The following DLGAP2 variants were observed in gnomAD, a reference collection of about 807,000 sequenced individuals.
The protein encoded by DLGAP2 is disks large-associated protein 2.
DLGAP2 carries 26 observed loss-of-function variants against 100.3 expected under a neutral mutation model. That is an observed-to-expected ratio of 0.26 (90% CI 0.19 to 0.36). The LOEUF (loss-of-function observed/expected upper bound fraction) is 0.36, where lower values mean the gene tolerates loss of function less well. Ranked by LOEUF, DLGAP2 falls within the 10% of genes least tolerant of loss-of-function variation. The pLI, the probability that DLGAP2 is intolerant of heterozygous loss-of-function variation, is 1.00. For missense variants in DLGAP2, 1,858 were observed against 1,453.2 expected, an observed-to-expected ratio of 1.28 and a Z score of -4.53; for synonymous variants, 886 against 630.1, an observed-to-expected ratio of 1.41 and a Z score of -6.08.
chr8:1,321,586 C>T (rs1399794159), intron 3 of DLGAP2, among the ~76,000 whole-genome samples: 1 of 152,228 alleles, frequency 6.6e-6, no homozygotes, highest in Admixed American at 6.5e-5. Context: ...CACAGGAATT[C>T]AGCGGATAAT....
chr8:1,492,127 C>T (rs1207933162), intron 3 of DLGAP2, among the ~76,000 whole-genome samples: 2 of 152,186 alleles, frequency 1.3e-5, no homozygotes, highest in Non-Finnish European at 2.9e-5. Context: ...ATTCTGCAGA[C>T]TTTAGGGGCA....
intron 2 of DLGAP2, among the ~76,000 whole-genome samples, chr8:1,185,961 G>C (rs1705871526): frequency 6.6e-6 from 1 of 152,094 alleles, no homozygotes; most frequent in Admixed American, 6.5e-5. Flanking sequence ...GGGGCCTCCT[G>C]TCACCTCCCT....
intron 2 of DLGAP2, among the ~76,000 whole-genome samples, chr8:958,677 C>A (rs1200589447): frequency 3.3e-5 from 5 of 150,476 alleles, no homozygotes; most frequent in Non-Finnish European, 5.9e-5. Context: ...CCTCGTGCTT[C>A]TGTGTTGTAT....
intron 3 of DLGAP2, among the ~76,000 whole-genome samples, chr8:1,361,503 C>A (rs1298147617): frequency 1.3e-5 from 2 of 152,196 alleles, no homozygotes; most frequent in Non-Finnish European, 2.9e-5. Context: ...CTGTAGGTAG[C>A]CGTCTGGTGC....
chr8:811,006 G>A (rs907186457), intron 1 of DLGAP2, among the ~76,000 whole-genome samples: 5 of 152,016 alleles, frequency 3.3e-5, no homozygotes, highest in African/African-American at 1.2e-4. Flanking sequence ...AGCTTGGATG[G>A]CCACCGTGTA....
At chr8:1,227,887 T>G (rs1798454244) in intron 2 of DLGAP2, among the ~76,000 whole-genome samples, 1 of 152,220 alleles carries the variant, frequency 6.6e-6, no homozygotes, top group African/African-American at 2.4e-5. Flanking sequence ...ATTGCTAAAT[T>G]AGTACGTCTT....
chr8:1,190,373 G>A (rs138729173), intron 2 of DLGAP2, among the ~76,000 whole-genome samples: 1 of 152,120 alleles, frequency 6.6e-6, no homozygotes, highest in Non-Finnish European at 1.5e-5. Flanking sequence ...GCAGTTATGT[G>A]CTTGGAGTGG....
At chr8:1,344,265 A>C (rs537413324) in intron 3 of DLGAP2, among the ~76,000 whole-genome samples, 1 of 140,962 alleles carries the variant, frequency 7.1e-6, no homozygotes, top group Admixed American at 7.2e-5. Context: ...TCTCCCCTCG[A>C]GCTACGTGCC....
At chr8:809,369 C>G (rs1328855302) in intron 1 of DLGAP2, among the ~76,000 whole-genome samples, 1 of 152,024 alleles carries the variant, frequency 6.6e-6, no homozygotes, top group African/African-American at 2.4e-5. Flanking sequence ...TTGACTTTTA[C>G]CTACACCATT....
intron 1 of DLGAP2, among the ~76,000 whole-genome samples, chr8:855,082 G>T (rs980152559): frequency 9.2e-5 from 14 of 152,204 alleles, no homozygotes; most frequent in African/African-American, 3.4e-4. Context: ...GGAGGAGGCG[G>T]GAGCAGGTCC....
At chr8:1,103,991 T>A (rs1204347166) in intron 2 of DLGAP2, among the ~76,000 whole-genome samples, 1 of 152,212 alleles carries the variant, frequency 6.6e-6, no homozygotes, top group Non-Finnish European at 1.5e-5. Context: ...TCTGGGCCCC[T>A]GCATCAGGTG....
chr8:1,451,738 C>T (rs1183057787), intron 3 of DLGAP2, among the ~76,000 whole-genome samples: 1 of 152,198 alleles, frequency 6.6e-6, no homozygotes, highest in Non-Finnish European at 1.5e-5. Context: ...CCATCTATGT[C>T]CAGGAGCTCC....
intron 2 of DLGAP2, among the ~76,000 whole-genome samples, chr8:1,214,346 C>T (rs1798168779): frequency 1.3e-5 from 2 of 152,236 alleles, no homozygotes; most frequent in Non-Finnish European, 2.9e-5. Context: ...TTTCCGTGAG[C>T]AGCCCAGGGT....
At chr8:851,141 C>A (rs944397194) in intron 1 of DLGAP2, among the ~76,000 whole-genome samples, 6 of 152,186 alleles carry the variant, frequency 3.9e-5, no homozygotes, top group African/African-American at 1.4e-4. Flanking sequence ...TATGTAGATG[C>A]ACAAGTGCCA....
chr8:1,048,453 T>TCGTCTGTG (rs1319042274), intron 2 of DLGAP2, among the ~76,000 whole-genome samples: 1 of 151,982 alleles, frequency 6.6e-6, no homozygotes, highest in South Asian at 2.1e-4. Flanking sequence ...AGCGACGGCA[T>TCGTCTGTG]CGTCTGTGCG....
intron 3 of DLGAP2, among the ~76,000 whole-genome samples, chr8:1,431,831 G>A (rs1156322138): frequency 6.6e-6 from 1 of 152,182 alleles, no homozygotes; most frequent in Non-Finnish European, 1.5e-5. Flanking sequence ...ATGCCTCCGT[G>A]TCGATGGCCA....
intron 8 of DLGAP2, among the ~76,000 whole-genome samples, chr8:1,639,763 T>G (rs1378202357): frequency 6.6e-6 from 1 of 152,206 alleles, no homozygotes; most frequent in Non-Finnish European, 1.5e-5. Flanking sequence ...CCTTGCCTCC[T>G]CAAGCTTCTG....
chr8:1,467,776 G>A (rs1798667076), intron 3 of DLGAP2, among the ~76,000 whole-genome samples: 1 of 152,166 alleles, frequency 6.6e-6, no homozygotes, highest in African/African-American at 2.4e-5. Context: ...GACCACCGTG[G>A]TTCTCAAACT....
rs1800452434 is a variant in DLGAP2, at chr8:1,304,841, T to C, written c.106+45958T>C. Among the ~76,000 whole-genome samples the C allele has an allele frequency of 2.0e-5, 3 of 152,340 alleles. No homozygotes were observed. In the South Asian group the frequency reaches 6.2e-4, roughly 32 times the overall value. On this transcript the variant is annotated intron_variant, in intron 3 of 14. Transcript: ENST00000637795. ...ATAATAAATGCTAAACACCCTTCAA[T>C]ACTGCACAGGATAAGCTGAAAAGGC...
Sources: gnomAD v4.1 joint callset for allele counts (sites outside exome capture counted in the v4.1 genomes callset) on GRCh38, gnomAD v4.1.1 for gene constraint, MANE v1.5 for transcripts, NCBI Gene and HGNC (gene_info 2026-07-23, HGNC 2026-07-21) for gene names.